Variants in TYROBP observed in about 807,000 individuals in gnomAD.
TYROBP encodes transmembrane immune signaling adaptor TYROBP, also known as TYRO protein tyrosine kinase-binding protein.
TYROBP carries 14 observed loss-of-function variants against 17.1 expected under a neutral mutation model. The observed-to-expected ratio is 0.82, with a 90% CI of 0.54 to 1.28. The LOEUF is 1.28. Ranked by LOEUF, TYROBP falls within the 50% of genes most tolerant of loss-of-function variation. The pLI is 0.00. For missense variants in TYROBP, 161 were observed against 151.4 expected (o/e 1.06, Z -0.33); for synonymous variants, 73 against 67.4 (o/e 1.08, Z -0.41).
chr19:35,905,500 T>G (rs1448782219), intron 4 of TYROBP, among the ~76,000 whole-genome samples: 1 of 152,016 alleles, frequency 6.6e-6, no homozygotes, highest in Non-Finnish European at 1.5e-5. Context: ...TAGATTCTCT[T>G]GTATACTCTA....
rs767572535 is a variant in TYROBP at position 35,908,222 on chromosome 19, C to G, written c.7G>C (p.Gly3Arg). 2 of 1,613,854 alleles carry G rather than the reference C, an allele frequency of 1.2e-6. No individual in the cohort carries two copies. Among genetic ancestry groups the G allele is most frequent in the South Asian group, 2.2e-5 (2 of 91,070 alleles). ...AGGAGCCTGCTGCAGGGTTCAAGTCCCCCCATGAAGCCGGATGCTGCTGGA... is the reference window on the plus strand; with the variant it reads ...AGGAGCCTGCTGCAGGGTTCAAGTCGCCCCATGAAGCCGGATGCTGCTGGA... MG[G>R]LEPCSRLLLL... is the part of the protein sequence containing the mutation. The change falls in exon 1 of 5, where the codon GGA becomes CGA. Residue 3 changes from glycine to arginine, a missense_variant. By Grantham distance (125) the Gly-to-Arg change is moderately radical. Transcript: ENST00000262629.
At chr19:35,905,534 C>T (rs1448932606) in intron 4 of TYROBP, among the ~76,000 whole-genome samples, 3 of 151,908 alleles carry the variant, frequency 2.0e-5, no homozygotes, top group Non-Finnish European at 4.4e-5. Flanking sequence ...GAGCTTCAGC[C>T]AGGCATGGTG....
chr19:35,904,820 C>T (rs568839666), intron 4 of TYROBP, among the ~76,000 whole-genome samples, 186 bp from the exon 5 acceptor site: 67 of 152,144 alleles, frequency 4.4e-4, no homozygotes, highest in African/African-American at 1.5e-3. Context: ...GCCTCAGGGT[C>T]CCTGCGTGTG....
rs1386657545 is a variant in TYROBP, at chr19:35,904,434, A to G, written c.*135T>C. ...TGCTTCATGTTTATTTTAGGAGAGT[A>G]TTGGGGAGCGGTCTGGTCTCTCAGG... On this transcript the variant is annotated 3_prime_UTR_variant, in exon 5 of 5. Coordinates refer to ENST00000262629, the MANE Select transcript of TYROBP (RefSeq NM_003332.4). 3.3e-6 allele frequency: 3 copies of G among 921,640 alleles called. No individual in the cohort carries two copies. Among genetic ancestry groups the G allele is most frequent in the African/African-American group, 1.6e-5 (1 of 61,302 alleles). 57.1% of individuals were successfully genotyped at this position (921,640 alleles called of 1,614,324 possible). A position where few individuals can be genotyped will look rare whatever the true frequency, so the allele number is the denominator to read the frequency against.
In TYROBP at chr19:35,904,610, C is replaced by T. The variant is rs774535634; in HGVS notation, c.301G>A (p.Val101Ile). 6.2e-7 allele frequency: 1 copy of T among 1,613,500 alleles called. No individual in the cohort carries two copies. The highest frequency in any genetic ancestry group is 8.5e-7 in the Non-Finnish European group (1 of 1,179,806). Residue 101 changes from valine to isoleucine, a missense_variant, in exon 5 of 5, where the codon GTC becomes ATC. By Grantham distance (29) the Val-to-Ile change is conservative. Coordinates refer to ENST00000262629, the MANE Select transcript of TYROBP (RefSeq NM_003332.4). Reference sequence around the variant, plus strand: ...CTCTGTGTGTTGAGGTCGCTGTAGACATCCGACCTCTGACCCTGGAGCTCC... The same window carrying T: ...CTCTGTGTGTTGAGGTCGCTGTAGATATCCGACCTCTGACCCTGGAGCTCC... ...YQELQGQRSD[V>I]YSDLNTQRPY...
chr19:35,907,260 C>A lies in TYROBP; in HGVS notation c.234G>T (p.Ala78=), dbSNP rs866035990. The A allele has an allele frequency of 1.9e-6, 3 of 1,610,010 alleles. No individual in the cohort carries two copies. Among genetic ancestry groups the A allele is most frequent in the Admixed American group, 1.7e-5 (1 of 58,890 alleles). The change falls in exon 4 of 5, where the codon GCG becomes GCT. Residue 78 remains alanine (A), a synonymous_variant. Coordinates refer to ENST00000262629, the MANE Select transcript of TYROBP (RefSeq NM_003332.4). ...TCTCAGTGATACGCTGTTTCCGGGT[C>A]GCTGCTGGAGGTGAGGGGTGTTGTG... ...VPRGRGAAEA[A]TRKQRITETE...
At chr19:35,904,723 T>C in intron 4 of TYROBP, 89 bp from the exon 5 acceptor site, 1 of 1,192,806 alleles carries the variant, frequency 8.4e-7, no homozygotes, top group East Asian at 2.4e-5. Context: ...GGCAGCTTCT[T>C]CAGCCTTATA....
intron 1 of TYROBP, 21 bp downstream of exon 1, chr19:35,908,147 C>A (rs1568505397): frequency 6.2e-7 from 1 of 1,611,980 alleles, no homozygotes; most frequent in Non-Finnish European, 8.5e-7. Flanking sequence ...CGGGAGGCAG[C>A]CACGGAAGCC....
intron 4 of TYROBP, among the ~76,000 whole-genome samples, chr19:35,904,941 C>A (rs1975685305): frequency 6.7e-6 from 1 of 149,960 alleles, no homozygotes; most frequent in Non-Finnish European, 1.5e-5. Context: ...GTAGTTTCTT[C>A]CCCCCACACT....
At chr19:35,907,103 T>G in intron 4 of TYROBP, 115 bp downstream of exon 4, 2 of 1,026,128 alleles carry the variant, frequency 1.9e-6, no homozygotes, top group Non-Finnish European at 3.0e-6. Context: ...CCTTCAAGGT[T>G]TGGGGGTGCT....
intron 3 of TYROBP, 25 bp from the exon 4 acceptor site, chr19:35,907,289 T>G (rs367768665): frequency 6.2e-7 from 1 of 1,612,022 alleles, no homozygotes; most frequent in Non-Finnish European, 8.5e-7. Context: ...TGTTGTGGGG[T>G]GCAGAGACAG....
intron 4 of TYROBP, among the ~76,000 whole-genome samples, chr19:35,905,107 C>G (rs1301006764): frequency 6.6e-6 from 1 of 152,208 alleles, no homozygotes; most frequent in Non-Finnish European, 1.5e-5. Flanking sequence ...GTGCTAGACA[C>G]ATCCACAGAG....
chr19:35,907,779 A>C lies in TYROBP; in HGVS notation c.62-17T>G. 6.2e-7 allele frequency: 1 copy of C among 1,613,606 alleles called. No individual in the cohort carries two copies. The highest frequency in any genetic ancestry group is 8.5e-7 in the Non-Finnish European group (1 of 1,179,918). ...GACGGAGACCTGAGGAGGAAAAAGA[A>C]GGTAAACTGAGGCACAGAGTTATGA... On this transcript the variant is annotated splice_polypyrimidine_tract_variant and intron_variant, in intron 1 of 4. Coordinates refer to ENST00000262629, the MANE Select transcript of TYROBP (RefSeq NM_003332.4).
rs752310044 is a variant in TYROBP at position 35,904,648 on chromosome 19, G to A, written c.277-14C>T. The A allele has an allele frequency of 3.7e-6, 6 of 1,610,542 alleles. No homozygotes were observed. In the East Asian group the frequency reaches 1.3e-4, roughly 36 times the overall value. The stretch of plus-strand genomic sequence containing the variant: ...ACCCTGGAGCTCCTAAAGGAATGGG[G>A]GCCATCAGTGGAAGGGACCCACCAA... On this transcript the variant is annotated splice_polypyrimidine_tract_variant and intron_variant, in intron 4 of 4. Coordinates refer to ENST00000262629, the MANE Select transcript of TYROBP (RefSeq NM_003332.4).
intron 3 of TYROBP, 37 bp downstream of exon 3, chr19:35,907,409 G>T: frequency 6.2e-7 from 1 of 1,600,866 alleles, no homozygotes; most frequent in Non-Finnish European, 8.6e-7. Flanking sequence ...CCCCATCTAG[G>T]CAAGTCCTCA....
At chr19:35,907,390 G>GCCCCCCCCC in intron 3 of TYROBP, 56 bp downstream of exon 3, 1 of 1,425,260 alleles carries the variant, frequency 7.0e-7, no homozygotes, top group Non-Finnish European at 9.9e-7. Context: ...AGTTTACCCA[G>GCCCCCCCCC]CCCCCCACCC....
intron 4 of TYROBP, among the ~76,000 whole-genome samples, chr19:35,906,964 G>A (rs1309504501): frequency 1.2e-4 from 19 of 152,012 alleles, no homozygotes; most frequent in African/African-American, 4.3e-4. Flanking sequence ...TGATCCACCC[G>A]CCTCTGTCTC....
rs1273503909 is a variant in TYROBP, at chr19:35,908,273, T to C, written c.-45A>G. 2.6e-6 allele frequency: 4 copies of C among 1,567,328 alleles called. No individual in the cohort carries two copies. The highest frequency in any genetic ancestry group is 3.5e-6 in the Non-Finnish European group (4 of 1,138,036). On this transcript the variant is annotated 5_prime_UTR_variant, in exon 1 of 5. Transcript: ENST00000262629. ...CACCACAGTGTAAGGGCCGGTGGGA[T>C]GTGGCGCAGCGTCCAGGCAAGTGAA...
chr19:35,906,113 C>A (rs1412702567), intron 4 of TYROBP, among the ~76,000 whole-genome samples: 1 of 148,542 alleles, frequency 6.7e-6, no homozygotes, highest in Non-Finnish European at 1.5e-5. Flanking sequence ...ATAGTGAGAC[C>A]CCTGTCTTTT....
Sources: gnomAD v4.1 joint callset for allele counts (sites outside exome capture counted in the v4.1 genomes callset) on GRCh38, gnomAD v4.1.1 for gene constraint, MANE v1.5 for transcripts, NCBI Gene and HGNC (gene_info 2026-07-23, HGNC 2026-07-21) for gene names.